LRRC4C: variants seen among roughly 807,000 people sequenced by gnomAD.
The protein encoded by LRRC4C is leucine-rich repeat-containing protein 4C.
Under a neutral mutation model 33.6 loss-of-function variants are expected in LRRC4C, and 5 were observed. That is an observed-to-expected ratio of 0.15 (90% CI 0.08 to 0.31). The LOEUF is 0.31. Among genes scored for constraint, LRRC4C ranks in the 10% least tolerant of loss-of-function variants. LRRC4C has a pLI of 1.00. For missense variants in LRRC4C, 560 were observed against 796.7 expected (o/e 0.70, Z 3.58); for synonymous variants, 329 against 302.0 (o/e 1.09, Z -0.93).
intron 1 of LRRC4C, among the ~76,000 whole-genome samples, chr11:41,185,097 G>A (rs923643381): frequency 6.6e-6 from 1 of 151,822 alleles, no homozygotes; most frequent in Non-Finnish European, 1.5e-5. Context: ...GGGAATTGTG[G>A]GAGTTACAAC....
At chr11:41,144,626 T>C (rs1235631813) in intron 1 of LRRC4C, among the ~76,000 whole-genome samples, 1 of 152,168 alleles carries the variant, frequency 6.6e-6, no homozygotes, top group East Asian at 1.9e-4. Flanking sequence ...TATTAATGCA[T>C]ACTCTTTCAT....
chr11:40,664,628 A>G (rs975186370), intron 2 of LRRC4C, among the ~76,000 whole-genome samples: 2 of 152,178 alleles, frequency 1.3e-5, no homozygotes, highest in Admixed American at 6.5e-5. Context: ...AAGAGACCAC[A>G]GAGATTATCA....
intron 4 of LRRC4C, among the ~76,000 whole-genome samples, chr11:40,263,265 C>A (rs190227689): frequency 1.3e-5 from 2 of 151,910 alleles, no homozygotes; most frequent in Non-Finnish European, 1.5e-5. Flanking sequence ...GACATGGGAC[C>A]AGTGATTTTC....
At position 40,130,018 on chromosome 11, in the gene LRRC4C, G is replaced by A. The variant is rs566183905; in HGVS notation, c.-43+10783C>T. ...TTTCTGGCTGTTTATGAATCCTTTCGATCTTATTCACTTTTTGATATTAAT... is the reference window on the plus strand; with the variant it reads ...TTTCTGGCTGTTTATGAATCCTTTCAATCTTATTCACTTTTTGATATTAAT... On this transcript the variant is annotated intron_variant, in intron 6 of 6. Coordinates refer to ENST00000528697, the MANE Select transcript of LRRC4C (RefSeq NM_001258419.2). Among the ~76,000 whole-genome samples the A allele has an allele frequency of 2.3e-4, 35 of 152,158 alleles. No homozygotes were observed. In the East Asian group the frequency reaches 3.5e-3, roughly 15 times the overall value.
intron 3 of LRRC4C, among the ~76,000 whole-genome samples, chr11:40,361,645 G>GA (rs1360486917): frequency 6.6e-6 from 1 of 152,108 alleles, no homozygotes; most frequent in East Asian, 1.9e-4. Context: ...TGGATAGGAA[G>GA]AATCAATATT....
intron 1 of LRRC4C, among the ~76,000 whole-genome samples, chr11:41,370,209 C>T (rs1401046345): frequency 6.6e-6 from 1 of 152,030 alleles, no homozygotes; most frequent in African/African-American, 2.4e-5. Context: ...GGGATAGGGT[C>T]TCACTCTATC....
intron 2 of LRRC4C, among the ~76,000 whole-genome samples, chr11:40,771,521 A>G (rs533962252): frequency 1.4e-4 from 21 of 152,174 alleles, no homozygotes; most frequent in Non-Finnish European, 2.5e-4. Context: ...CCTCATGCAA[A>G]TTTCTGCAGC....
intron 1 of LRRC4C, among the ~76,000 whole-genome samples, chr11:41,034,327 G>T (rs1252847833): frequency 6.6e-6 from 1 of 150,956 alleles, no homozygotes; most frequent in African/African-American, 2.4e-5. Context: ...CGTGCTCTTG[G>T]ACTTTCTAGC....
intron 4 of LRRC4C, among the ~76,000 whole-genome samples, chr11:40,272,868 G>C (rs925175673): frequency 1.2e-4 from 18 of 151,322 alleles, no homozygotes; most frequent in African/African-American, 4.4e-4. Context: ...ATGGTAACTT[G>C]ATTGAAACTA....
At chr11:41,402,018 T>A (rs1954043655) in intron 1 of LRRC4C, among the ~76,000 whole-genome samples, 1 of 151,984 alleles carries the variant, frequency 6.6e-6, no homozygotes. Context: ...ATGGAATAGG[T>A]ACCACATTAA....
At chr11:41,212,586 C>T (rs148009941) in intron 1 of LRRC4C, among the ~76,000 whole-genome samples, 10 of 152,138 alleles carry the variant, frequency 6.6e-5, no homozygotes, top group Admixed American at 3.9e-4. Flanking sequence ...TTCTTCCCAC[C>T]CCTCCCCTCA....
chr11:40,114,364 A>T lies in LRRC4C; in HGVS notation c.*6T>A, dbSNP rs1466571263. On this transcript the variant is annotated 3_prime_UTR_variant, in exon 7 of 7. Coordinates refer to ENST00000528697, the MANE Select transcript of LRRC4C (RefSeq NM_001258419.2). ...ATTGTTTGTTTTTTGTAACTCTGTA[A>T]ATGTTTTAGATTTGAGTCTCTTGTA... 1 of 1,575,232 alleles carries T rather than the reference A, an allele frequency of 6.3e-7. No homozygotes were observed. The highest frequency in any genetic ancestry group is 2.3e-5 in the East Asian group (1 of 44,274).
At chr11:41,451,969 C>CT (rs1408501722) in intron 1 of LRRC4C, among the ~76,000 whole-genome samples, 2 of 152,112 alleles carry the variant, frequency 1.3e-5, no homozygotes, top group African/African-American at 4.8e-5. Flanking sequence ...AACCCATCCA[C>CT]TGTCTGTGTT....
At chr11:40,707,380 T>G (rs901648571) in intron 2 of LRRC4C, among the ~76,000 whole-genome samples, 15 of 152,200 alleles carry the variant, frequency 9.9e-5, no homozygotes, top group Non-Finnish European at 1.9e-4. Context: ...TTGAGATACG[T>G]TCCATCAATA....
chr11:40,770,420 C>A (rs1949699124), intron 2 of LRRC4C, among the ~76,000 whole-genome samples: 1 of 152,120 alleles, frequency 6.6e-6, no homozygotes, highest in Non-Finnish European at 1.5e-5. Flanking sequence ...ATGGGGATTG[C>A]AATTCCGATT....
At chr11:41,031,064 T>C (rs192619857) in intron 1 of LRRC4C, among the ~76,000 whole-genome samples, 39 of 152,004 alleles carry the variant, frequency 2.6e-4, no homozygotes, top group African/African-American at 8.7e-4. Flanking sequence ...TCCAAGATAC[T>C]GCTCACACCA....
intron 3 of LRRC4C, among the ~76,000 whole-genome samples, chr11:40,322,888 A>G (rs1945921007): frequency 6.6e-6 from 1 of 152,216 alleles, no homozygotes; most frequent in African/African-American, 2.4e-5. Context: ...TGTGGGACTA[A>G]TAAAATGGAA....
At position 40,289,589 on chromosome 11, in the gene LRRC4C, G is replaced by C. The variant is rs1350749058; in HGVS notation, c.-176+30039C>G. Among the ~76,000 whole-genome samples, 3 of 152,340 alleles carry C rather than the reference G, an allele frequency of 2.0e-5. No homozygotes were observed. In the East Asian group the frequency reaches 5.8e-4, roughly 29 times the overall value. On this transcript the variant is annotated intron_variant, in intron 4 of 6. Coordinates refer to ENST00000528697, the MANE Select transcript of LRRC4C (RefSeq NM_001258419.2). ...GCCCTGACACCCACTGATGAAGTAA[G>C]TTTCCAGCTCTGTCATGGCCCTAAT...
chr11:40,190,815 G>A (rs1861778050), intron 5 of LRRC4C, among the ~76,000 whole-genome samples: 1 of 152,132 alleles, frequency 6.6e-6, no homozygotes, highest in Non-Finnish European at 1.5e-5. Context: ...AAGAAAAAAA[G>A]TGATGACAAT....
Sources: allele counts gnomAD v4.1 joint callset (sites outside exome capture counted in the v4.1 genomes callset), GRCh38; gene constraint gnomAD v4.1.1; transcripts MANE v1.5; gene names NCBI Gene and HGNC (gene_info 2026-07-23, HGNC 2026-07-21).